The following HDAC4 variants were observed in gnomAD, a reference collection of about 807,000 sequenced individuals.
The protein encoded by HDAC4 is histone deacetylase A.
A neutral mutation model predicts 135.1 loss-of-function variants in HDAC4; 16 were observed. The observed-to-expected ratio is 0.12, with a 90% CI of 0.08 to 0.18. The LOEUF is 0.18. HDAC4 is among the 10% of genes least tolerant of loss of function. The pLI is 1.00. For synonymous variants in HDAC4, 685 were observed against 653.4 expected, an observed-to-expected ratio of 1.05 and a Z score of -0.74; for missense variants, 1,143 against 1,511.8, an observed-to-expected ratio of 0.76 and a Z score of 4.05.
rs1006441026 is a variant in HDAC4 at position 239,245,563 on chromosome 2, T to C, written c.23-8899A>G. Among the ~76,000 whole-genome samples the C allele has an allele frequency of 3.3e-5, 5 of 152,180 alleles. No homozygotes were observed. The highest frequency in any genetic ancestry group is 1.2e-4 in the African/African-American group (5 of 41,438). ...ACACATTCAAGTATTTAAGGGATGG[T>C]GCTGTGGCCTCTGAGATCGGTTTTA... is the stretch of plus-strand genomic sequence containing the variant. On this transcript the variant is annotated intron_variant, in intron 2 of 26. Coordinates refer to ENST00000543185, the MANE Select transcript of HDAC4 (RefSeq NM_001378414.1). The surrounding 1 kb of genome is among the most constrained non-coding windows in gnomAD (Gnocchi z 4.4).
At chr2:239,295,119 A>T (rs895071930) in intron 2 of HDAC4, among the ~76,000 whole-genome samples, 1 of 151,852 alleles carries the variant, frequency 6.6e-6, no homozygotes, top group South Asian at 2.1e-4. Flanking sequence ...CATCCCGGCT[A>T]TAACGGTGAA....
intron 4 of HDAC4, among the ~76,000 whole-genome samples, chr2:239,177,254 C>T (rs185395469): frequency 2.6e-4 from 39 of 152,358 alleles, no homozygotes; most frequent in East Asian, 1.9e-3. Flanking sequence ...AAAGACCCTC[C>T]GCTGAGCCTC....
At chr2:239,164,647 C>A (rs1198543383) in intron 5 of HDAC4, among the ~76,000 whole-genome samples, 1 of 152,256 alleles carries the variant, frequency 6.6e-6, no homozygotes, top group Non-Finnish European at 1.5e-5. Context: ...TTCTATCCTT[C>A]TTACAGCACC....
At chr2:239,073,170 G>C (rs1270154442) in intron 22 of HDAC4, among the ~76,000 whole-genome samples, 1 of 152,240 alleles carries the variant, frequency 6.6e-6, no homozygotes, top group Non-Finnish European at 1.5e-5. Context: ...CTGGAACTTA[G>C]ATGGGAGTCA....
chr2:239,218,208 T>C (rs2046751176), intron 3 of HDAC4, among the ~76,000 whole-genome samples: 2 of 152,116 alleles, frequency 1.3e-5, no homozygotes, highest in Non-Finnish European at 2.9e-5. Context: ...CCAGATTGGA[T>C]AAAAAACAGG....
intron 5 of HDAC4, among the ~76,000 whole-genome samples, chr2:239,171,091 G>A (rs902324737): frequency 2.7e-5 from 4 of 150,306 alleles, no homozygotes; most frequent in African/African-American, 9.8e-5. Context: ...CACCATCCCA[G>A]GTCCCCCATC....
At chr2:239,378,690 A>AC (rs1695200889) in intron 1 of HDAC4, among the ~76,000 whole-genome samples, 1 of 125,112 alleles carries the variant, frequency 8.0e-6, no homozygotes, top group Admixed American at 7.7e-5. Flanking sequence ...GAACCAATGA[A>AC]CCCGGGAACC....
chr2:239,114,706 C>A (rs1559454728), intron 13 of HDAC4, among the ~76,000 whole-genome samples: 1 of 152,182 alleles, frequency 6.6e-6, no homozygotes, highest in Non-Finnish European at 1.5e-5. Context: ...ACCTCTAGTT[C>A]CTTCACTTCT....
intron 6 of HDAC4, among the ~76,000 whole-genome samples, chr2:239,160,771 A>T (rs1169748211): frequency 1.3e-5 from 2 of 152,222 alleles, no homozygotes; most frequent in African/African-American, 4.8e-5. Flanking sequence ...GGTGACTGTG[A>T]CCGTAAGATG....
Position 239,141,007 on chromosome 2 carries a change from A to G in HDAC4, c.866-1211T>C, listed in dbSNP as rs139198390. 2.2e-4 allele frequency: 83 copies of G among 375,576 alleles called. No individual in the cohort carries two copies. The highest frequency in any genetic ancestry group is 1.7e-3 in the African/African-American group (78 of 46,464). 23.3% of individuals were successfully genotyped at this position (375,576 alleles called of 1,614,324 possible). On this transcript the variant is annotated intron_variant, in intron 8 of 26. Transcript: ENST00000543185. The surrounding 1 kb of genome is among the most constrained non-coding windows in gnomAD (Gnocchi z 4.9). The stretch of plus-strand genomic sequence containing the variant: ...CCCCAACCTGGCAGACCTGATTCCA[A>G]ACTTTGCCTTTATTAGCTCATCCAT...
intron 2 of HDAC4, among the ~76,000 whole-genome samples, chr2:239,255,025 C>G (rs913691666): frequency 6.6e-6 from 1 of 152,232 alleles, no homozygotes; most frequent in Non-Finnish European, 1.5e-5. Flanking sequence ...CTACACCTAT[C>G]TAAACTATCA....
At chr2:239,097,821 G>A (rs1355800324) in intron 16 of HDAC4, among the ~76,000 whole-genome samples, 1 of 152,218 alleles carries the variant, frequency 6.6e-6, no homozygotes, top group African/African-American at 2.4e-5. Flanking sequence ...GTGGGCGGGT[G>A]CTGCCTTGGA....
chr2:239,084,548 C>T (rs113648837), intron 19 of HDAC4, among the ~76,000 whole-genome samples: 8 of 121,872 alleles, frequency 6.6e-5, no homozygotes, highest in African/African-American at 1.9e-4. Context: ...CTAACCGACA[C>T]GGACATGCAC....
chr2:239,363,511 T>G (rs1364335434), intron 1 of HDAC4, among the ~76,000 whole-genome samples: 1 of 152,238 alleles, frequency 6.6e-6, no homozygotes, highest in East Asian at 1.9e-4. Context: ...CTTTTCAATA[T>G]GCAGTGCTTG....
chr2:239,401,515 T>C (rs1575819416), upstream of HDAC4: 1 of 181,612 alleles, frequency 5.5e-6, no homozygotes, highest in East Asian at 1.9e-4. Context: ...TCGCACTCGG[T>C]AGCCCGCATG....
rs1027809364 is a variant in HDAC4, at chr2:239,049,909, C to G, written c.*3188G>C. 2 of 152,634 alleles carry G rather than the reference C, an allele frequency of 1.3e-5. No individual in the cohort carries two copies. Among genetic ancestry groups the G allele is most frequent in the Non-Finnish European group, 2.9e-5 (2 of 68,092 alleles). The allele number at this position is 152,634 out of a possible 1,614,324, so 9.5% of individuals were successfully genotyped here. A position where few individuals can be genotyped will look rare whatever the true frequency, so the allele number is the denominator to read the frequency against. ...GCCCAGTGGCGTCATCAGGGTTTCC[C>G]TCAAAGGGATATAAAGTGCTCGCTT... is the stretch of plus-strand genomic sequence containing the variant. On this transcript the variant is annotated 3_prime_UTR_variant, in exon 27 of 27. Transcript: ENST00000543185.
At chr2:239,108,640 C>G (rs1004355655) in intron 14 of HDAC4, among the ~76,000 whole-genome samples, 5 of 152,194 alleles carry the variant, frequency 3.3e-5, no homozygotes, top group Non-Finnish European at 7.3e-5. Flanking sequence ...AATAGTAACT[C>G]CAGTTCTGCT....
chr2:239,295,693 TA>T (rs1168038835), intron 2 of HDAC4, among the ~76,000 whole-genome samples: 2 of 152,226 alleles, frequency 1.3e-5, no homozygotes, highest in African/African-American at 2.4e-5. Flanking sequence ...GTGTCTCGTT[TA>T]CCATTCCCGT....
At chr2:239,325,691 G>A (rs1013077040) in intron 2 of HDAC4, among the ~76,000 whole-genome samples, 9 of 152,214 alleles carry the variant, frequency 5.9e-5, no homozygotes, top group Non-Finnish European at 7.3e-5. Context: ...AGGGCTGGGC[G>A]TGGTGGCTCA....
Sources: allele counts gnomAD v4.1 joint callset (sites outside exome capture counted in the v4.1 genomes callset), GRCh38; gene constraint gnomAD v4.1.1; non-coding constraint Gnocchi (gnomAD v3.1); transcripts MANE v1.5; gene names NCBI Gene and HGNC (gene_info 2026-07-23, HGNC 2026-07-21).